Variants in DNAJC10 observed in about 807,000 individuals in gnomAD.
DNAJC10 encodes the protein endoplasmic reticulum disulfide reductase DNAJC10.
In DNAJC10, 101 loss-of-function variants were observed where a neutral mutation model predicts 115.0. The observed-to-expected ratio is 0.88, with a 90% CI of 0.75 to 1.04. DNAJC10 has a LOEUF of 1.04. Ranked by LOEUF, DNAJC10 falls within the 50% of genes least tolerant of loss-of-function variation. The probability of loss-of-function intolerance (pLI) is 0.00; values close to 1 mark genes in which losing one functional copy is unlikely to be tolerated. For missense variants in DNAJC10, 981 were observed against 928.8 expected (o/e 1.06, Z -0.73); for synonymous variants, 307 against 301.5 (o/e 1.02, Z -0.19).
rs1317025041 is a variant in DNAJC10 at position 182,755,067 on chromosome 2, G to T, written c.1616G>T (p.Gly539Val). Residue 539 changes from glycine to valine, a missense_variant, in exon 17 of 24, where the codon GGA becomes GTA. Coordinates refer to ENST00000264065, the MANE Select transcript of DNAJC10 (RefSeq NM_018981.4). Reference protein sequence around the residue: ...FNQSNIHEYEGHHSAEQILEF... With the variant: ...FNQSNIHEYEVHHSAEQILEF... ...CAGTCCAACATTCATGAGTATGAAG[G>T]ACATCACTCTGCTGAACAAATCTTG... 1 of 1,609,814 alleles carries T rather than the reference G, an allele frequency of 6.2e-7. No homozygotes were observed. The highest frequency in any genetic ancestry group is 2.2e-5 in the East Asian group (1 of 44,752).
intron 7 of DNAJC10, among the ~76,000 whole-genome samples, 170 bp from the exon 8 acceptor site, chr2:182,729,678 T>C (rs1693390368): frequency 1.3e-5 from 2 of 152,230 alleles, no homozygotes; most frequent in Admixed American, 1.3e-4. Context: ...CCATAGAATC[T>C]GTACTGTCAA....
intron 14 of DNAJC10, among the ~76,000 whole-genome samples, chr2:182,748,403 T>G (rs1206407450): frequency 1.3e-5 from 2 of 152,230 alleles, no homozygotes; most frequent in Non-Finnish European, 2.9e-5. Context: ...TGCCACAATT[T>G]CAGCTCCTGT....
At chr2:182,754,523 T>C (rs1003729606) in intron 16 of DNAJC10, among the ~76,000 whole-genome samples, 14 of 152,234 alleles carry the variant, frequency 9.2e-5, no homozygotes, top group Admixed American at 5.9e-4. Flanking sequence ...TAGGGCATGA[T>C]TCATAATTCT....
intron 16 of DNAJC10, chr2:182,752,441 C>A: frequency 8.3e-6 from 3 of 362,070 alleles, no homozygotes; most frequent in Non-Finnish European, 1.3e-5. Context: ...TTTTCATTAA[C>A]TTCATAAAAT....
intron 22 of DNAJC10, among the ~76,000 whole-genome samples, chr2:182,763,158 C>T (rs1346913468): frequency 1.3e-5 from 2 of 151,996 alleles, no homozygotes; most frequent in Non-Finnish European, 2.9e-5. Context: ...TAAGAATACT[C>T]TATAATACAC....
In DNAJC10 at chr2:182,787,263, T is replaced by G. The variant is rs1160722851; in HGVS notation, c.*10131T>G. On this transcript the variant is annotated 3_prime_UTR_variant, in exon 24 of 24. Coordinates refer to ENST00000264065, the MANE Select transcript of DNAJC10 (RefSeq NM_018981.4). Reference sequence around the variant, plus strand: ...GGCTTGACAGTCTCCCCATACTGATTCAGACTCCAGCAAGGTGCACATCAC... The same window carrying G: ...GGCTTGACAGTCTCCCCATACTGATGCAGACTCCAGCAAGGTGCACATCAC... 5.3e-5 allele frequency: 8 copies of G among 152,188 alleles called. No individual in the cohort carries two copies. In the South Asian group the frequency reaches 8.3e-4, roughly 16 times the overall value. 9.4% of individuals were successfully genotyped at this position (152,188 alleles called of 1,614,324 possible).
intron 3 of DNAJC10, among the ~76,000 whole-genome samples, chr2:182,718,679 G>A (rs368097434): frequency 2.0e-4 from 31 of 152,278 alleles, no homozygotes; most frequent in African/African-American, 7.0e-4. Flanking sequence ...AAAAATAGAA[G>A]TAATAGCTAA....
Position 182,775,411 on chromosome 2 carries a change from G to C in DNAJC10, c.2361G>C (p.Lys787Asn), listed in dbSNP as rs769635791. Residue 787 changes from lysine (K) to asparagine (N), a missense_variant, in exon 23 of 24, where the codon AAG becomes AAC. Lys to Asn is a moderately conservative substitution (Grantham distance 94, BLOSUM62 0). Transcript: ENST00000264065. ...TGGAAACTCTCCGAAATCAAGGCAA[G>C]AGGAATAAGGTATGGACTAAGCCTA... Reference protein sequence around the residue: ...EKLETLRNQGKRNKDEL With the variant: ...EKLETLRNQGNRNKDEL 6.2e-7 allele frequency: 1 copy of C among 1,610,712 alleles called. No homozygotes were observed. The highest frequency in any genetic ancestry group is 8.5e-7 in the Non-Finnish European group (1 of 1,177,406).
chr2:182,755,885 T>C (rs1694144632), intron 17 of DNAJC10, among the ~76,000 whole-genome samples: 2 of 152,230 alleles, frequency 1.3e-5, no homozygotes, highest in South Asian at 4.1e-4. Flanking sequence ...TTGCCTGTTA[T>C]GATTTTAGTG....
chr2:182,754,523 T>G (rs1003729606), intron 16 of DNAJC10, among the ~76,000 whole-genome samples: 1 of 152,352 alleles, frequency 6.6e-6, no homozygotes, highest in East Asian at 1.9e-4. Context: ...TAGGGCATGA[T>G]TCATAATTCT....
chr2:182,750,662 A>G (rs571585233), intron 14 of DNAJC10, among the ~76,000 whole-genome samples: 65 of 152,316 alleles, frequency 4.3e-4, no homozygotes, highest in African/African-American at 1.4e-3. Context: ...AGTATAGCCT[A>G]TTGCTCTTAG....
intron 12 of DNAJC10, among the ~76,000 whole-genome samples, chr2:182,740,781 T>G (rs993231797): frequency 2.6e-5 from 4 of 152,000 alleles, no homozygotes; most frequent in African/African-American, 9.7e-5. Flanking sequence ...GTAGAATCAG[T>G]TTTTTTTCCT....
intron 8 of DNAJC10, 63 bp from the exon 9 acceptor site, chr2:182,730,967 C>A: frequency 9.1e-7 from 1 of 1,096,976 alleles, no homozygotes; most frequent in Non-Finnish European, 1.4e-6. Context: ...ACTTAGAAGA[C>A]TGTTTCCATT....
intron 14 of DNAJC10, among the ~76,000 whole-genome samples, chr2:182,748,192 T>C (rs1428473149): frequency 2.7e-5 from 4 of 150,728 alleles, no homozygotes; most frequent in African/African-American, 9.8e-5. Flanking sequence ...TAAAATTCTC[T>C]TTTTTGGTTG....
At position 182,736,000 on chromosome 2, in the gene DNAJC10, G is replaced by C. The variant is rs1693574749; in HGVS notation, c.850-249G>C. Among the ~76,000 whole-genome samples, 3 of 151,888 alleles carry C rather than the reference G, an allele frequency of 2.0e-5. No individual in the cohort carries two copies. The South Asian group carries it at 6.2e-4, about 32-fold the overall frequency. ...GGATTCGTAGAAAGAATTATAAAAAGTAGATTTCTACTATTAGGGAAAAAC... is the reference window on the plus strand; with the variant it reads ...GGATTCGTAGAAAGAATTATAAAAACTAGATTTCTACTATTAGGGAAAAAC... On this transcript the variant is annotated intron_variant, in intron 10 of 23. Transcript: ENST00000264065.
chr2:182,757,602 TAAC>T, intron 18 of DNAJC10, 87 bp from the exon 19 acceptor site: 1 of 963,678 alleles, frequency 1.0e-6, no homozygotes, highest in African/African-American at 1.7e-5. Flanking sequence ...AATAATATAA[TAAC>T]TGTTTCACCA....
intron 5 of DNAJC10, among the ~76,000 whole-genome samples, chr2:182,724,772 G>A (rs1240138864): frequency 6.6e-6 from 1 of 152,046 alleles, no homozygotes; most frequent in East Asian, 1.9e-4. Context: ...TTCTATTCTG[G>A]GTCACTGTTA....
rs1272287237 is a variant in DNAJC10, at chr2:182,716,477, T to C, written c.-210T>C. The C allele has an allele frequency of 6.6e-6, 1 of 152,474 alleles. No homozygotes were observed. The highest frequency in any genetic ancestry group is 1.9e-4 in the East Asian group (1 of 5,178). 9.4% of individuals were successfully genotyped at this position (152,474 alleles called of 1,614,324 possible). On this transcript the variant is annotated 5_prime_UTR_variant, in exon 1 of 24. The change abolishes an upstream ATG in the 5' untranslated region. Coordinates refer to ENST00000264065, the MANE Select transcript of DNAJC10 (RefSeq NM_018981.4). ...GTAGCTACAGGAAGCGACCCCGCGA[T>C]GGCAAGGTGGGCATGGGCCCGGGGC...
At position 182,741,339 on chromosome 2, in the gene DNAJC10, A is replaced by G. The variant is rs199498703; in HGVS notation, c.1174A>G (p.Lys392Glu). 38 of 1,557,472 alleles carry G rather than the reference A, an allele frequency of 2.4e-5. No homozygotes were observed. The highest frequency in any genetic ancestry group is 3.2e-5 in the Non-Finnish European group (37 of 1,140,512). The change falls in exon 13 of 24, where the codon AAA becomes GAA. Residue 392 changes from lysine (K) to glutamate (E), a missense_variant. Physicochemically the swap from Lys to Glu is moderately conservative, Grantham distance 56. Coordinates refer to ENST00000264065, the MANE Select transcript of DNAJC10 (RefSeq NM_018981.4). ...PELKKLKTLL[K>E]NDHIQVGRFD... The stretch of plus-strand genomic sequence containing the variant: ...GCTGAAAAAACTAAAAACTCTACTT[A>G]AAAATGATCATATTCAAGTAAGAAA...
Sources: gnomAD v4.1 joint callset for allele counts (sites outside exome capture counted in the v4.1 genomes callset) on GRCh38, gnomAD v4.1.1 for gene constraint, MANE v1.5 for transcripts, NCBI Gene and HGNC (gene_info 2026-07-23, HGNC 2026-07-21) for gene names.